The following THSD7B variants were observed in gnomAD, a reference collection of about 807,000 sequenced individuals.
THSD7B encodes the protein thrombospondin type 1 domain containing 7B, also known as thrombospondin type-1 domain-containing protein 7B.
THSD7B carries 138 observed loss-of-function variants against 213.6 expected under a neutral mutation model. The ratio of observed to expected loss-of-function variants is 0.65; its 90% CI spans 0.56 to 0.74. The LOEUF is 0.74. Ranked by LOEUF, THSD7B falls within the 30% of genes least tolerant of loss-of-function variation. THSD7B has a pLI of 0.00. For synonymous variants in THSD7B, 742 were observed against 687.0 expected (o/e 1.08, Z -1.25); for missense variants, 1,931 against 1,991.5 (o/e 0.97, Z 0.58).
At chr2:136,960,689 C>T (rs1211711211) in intron 2 of THSD7B, among the ~76,000 whole-genome samples, 1 of 152,206 alleles carries the variant, frequency 6.6e-6, no homozygotes, top group East Asian at 1.9e-4. Context: ...CTCGAATCTC[C>T]TTCCATAGAG....
intron 10 of THSD7B, among the ~76,000 whole-genome samples, chr2:137,266,866 A>G (rs1256117818): frequency 6.6e-6 from 1 of 152,180 alleles, no homozygotes; most frequent in Non-Finnish European, 1.5e-5. Context: ...TACATTTTAA[A>G]TTAGTTGCAA....
chr2:137,628,004 A>C (rs1285396154), intron 20 of THSD7B, among the ~76,000 whole-genome samples: 2 of 152,228 alleles, frequency 1.3e-5, no homozygotes, highest in Non-Finnish European at 2.9e-5. Context: ...TGAATGTCCA[A>C]ATTCTTTATC....
chr2:137,496,861 G>T (rs1374139553), intron 15 of THSD7B, among the ~76,000 whole-genome samples: 2 of 151,946 alleles, frequency 1.3e-5, no homozygotes, highest in South Asian at 4.2e-4. Context: ...TCATGTGCCC[G>T]GTCTTAGAGA....
intron 5 of THSD7B, among the ~76,000 whole-genome samples, chr2:137,135,069 A>G (rs1011647725): frequency 2.0e-5 from 3 of 152,194 alleles, no homozygotes; most frequent in Admixed American, 2.0e-4. Flanking sequence ...TAAGTATTAC[A>G]TAAAATAGTA....
chr2:136,855,637 A>T (rs570011315), intron 1 of THSD7B, among the ~76,000 whole-genome samples: 3 of 149,534 alleles, frequency 2.0e-5, no homozygotes, highest in East Asian at 2.0e-4. Context: ...TTATTTATTT[A>T]TTTTTTGTAT....
At chr2:137,332,408 T>A (rs1449617086) in intron 12 of THSD7B, among the ~76,000 whole-genome samples, 2 of 152,190 alleles carry the variant, frequency 1.3e-5, no homozygotes, top group Non-Finnish European at 2.9e-5. Flanking sequence ...ACTCAAAGCC[T>A]GTACCTGCAT....
At chr2:137,371,119 C>T (rs1450657043) in intron 12 of THSD7B, among the ~76,000 whole-genome samples, 2 of 152,056 alleles carry the variant, frequency 1.3e-5, no homozygotes, top group East Asian at 3.9e-4. Context: ...AGCTTTCTGA[C>T]CTATTTTATC....
chr2:137,673,748 G>A (rs996575614), intron 27 of THSD7B, among the ~76,000 whole-genome samples: 5 of 152,046 alleles, frequency 3.3e-5, no homozygotes, highest in African/African-American at 4.8e-5. Flanking sequence ...GCTGCTATTC[G>A]GCAAAGTACT....
At chr2:137,047,337 G>C (rs950994459) in intron 2 of THSD7B, among the ~76,000 whole-genome samples, 38 of 152,196 alleles carry the variant, frequency 2.5e-4, no homozygotes, top group African/African-American at 8.9e-4. Context: ...TGGGTATATA[G>C]GTGTTTTAGT....
At chr2:136,852,812 GT>G (rs1683119998) in intron 1 of THSD7B, among the ~76,000 whole-genome samples, 1 of 152,046 alleles carries the variant, frequency 6.6e-6, no homozygotes, top group African/African-American at 2.4e-5. Context: ...GTGATTTCAA[GT>G]TCTGATTGTT....
chr2:137,519,828 T>A (rs903779947), intron 15 of THSD7B, among the ~76,000 whole-genome samples: 2 of 152,232 alleles, frequency 1.3e-5, no homozygotes, highest in African/African-American at 4.8e-5. Context: ...TAGAATTCAT[T>A]GATAAATACT....
chr2:137,006,150 T>G (rs1686104066), intron 2 of THSD7B, among the ~76,000 whole-genome samples: 1 of 152,010 alleles, frequency 6.6e-6, no homozygotes, highest in Non-Finnish European at 1.5e-5. Context: ...TCCCAGCACT[T>G]TGGGAGGCCG....
At chr2:136,839,721 T>G (rs537821816) in intron 1 of THSD7B, among the ~76,000 whole-genome samples, 4 of 152,326 alleles carry the variant, frequency 2.6e-5, no homozygotes, top group African/African-American at 9.6e-5. Context: ...ACATGTTTTA[T>G]TTTTTCTTCT....
At chr2:137,534,908 T>C (rs965888625) in intron 15 of THSD7B, among the ~76,000 whole-genome samples, 2 of 151,776 alleles carry the variant, frequency 1.3e-5, no homozygotes, top group African/African-American at 4.8e-5. Context: ...ACAAGAAAAA[T>C]ATAGACATAT....
chr2:137,470,672 T>G (rs547686141), intron 15 of THSD7B, among the ~76,000 whole-genome samples: 49 of 152,264 alleles, frequency 3.2e-4, no homozygotes, highest in African/African-American at 1.1e-3. Context: ...GAATACATTA[T>G]TTGGACTAGT....
chr2:137,140,237 T>G (rs1246306911), intron 5 of THSD7B, among the ~76,000 whole-genome samples: 3 of 152,264 alleles, frequency 2.0e-5, no homozygotes, highest in African/African-American at 4.8e-5. Context: ...TTTTCCAAAA[T>G]AGTATTTATG....
chr2:137,615,920 C>T (rs149673124), intron 17 of THSD7B, among the ~76,000 whole-genome samples: 1 of 151,960 alleles, frequency 6.6e-6, no homozygotes, highest in African/African-American at 2.4e-5. Flanking sequence ...GAAATAGTCT[C>T]CGTGTGCTTA....
At chr2:136,864,005 A>T (rs898620597) in intron 1 of THSD7B, among the ~76,000 whole-genome samples, 2 of 152,168 alleles carry the variant, frequency 1.3e-5, no homozygotes, top group Admixed American at 1.3e-4. Context: ...GTGCTGCATG[A>T]CGGAGGGAGA....
chr2:137,512,124 T>C (rs1679973684), intron 15 of THSD7B: 1 of 152,158 alleles, frequency 6.6e-6, no homozygotes, highest in Non-Finnish European at 1.5e-5. Context: ...TTTTAAACTT[T>C]TCTCCCATCC....
Sources: allele counts gnomAD v4.1 joint callset (sites outside exome capture counted in the v4.1 genomes callset), GRCh38; gene constraint gnomAD v4.1.1; transcripts MANE v1.5; gene names NCBI Gene and HGNC (gene_info 2026-07-23, HGNC 2026-07-21).